The following NEK4 variants were observed in gnomAD, a reference collection of about 807,000 sequenced individuals.
NEK4 encodes NIMA related kinase 4.
A neutral mutation model predicts 98.4 loss-of-function variants in NEK4; 86 were observed. The ratio of observed to expected loss-of-function variants is 0.87; its 90% CI spans 0.73 to 1.05. NEK4 has a LOEUF of 1.05. Among genes scored for constraint, NEK4 ranks in the 50% least tolerant of loss-of-function variants. NEK4 has a pLI of 0.00. For synonymous variants in NEK4, 328 were observed against 342.2 expected, an observed-to-expected ratio of 0.96 and a Z score of 0.46; for missense variants, 898 against 950.3, an observed-to-expected ratio of 0.94 and a Z score of 0.72.
chr3:52,728,106 C>T (rs912327438), intron 15 of NEK4, among the ~76,000 whole-genome samples: 1 of 152,192 alleles, frequency 6.6e-6, no homozygotes, highest in Non-Finnish European at 1.5e-5. Context: ...GGCATGGTAG[C>T]TCACACCTGT....
chr3:52,749,630 T>C, intron 8 of NEK4, 62 bp downstream of exon 8: 1 of 185,674 alleles, frequency 5.4e-6, no homozygotes, highest in South Asian at 6.6e-5. Flanking sequence ...GGTCAGAAGT[T>C]CGTGACCAGC....
chr3:52,756,087 CTT>C (rs1559443976), intron 6 of NEK4, among the ~76,000 whole-genome samples: 2 of 152,144 alleles, frequency 1.3e-5, no homozygotes, highest in African/African-American at 4.8e-5. Context: ...GATTGAAAGA[CTT>C]AACATTGTTC....
intron 15 of NEK4, chr3:52,733,619 A>G (rs145067497): frequency 2.0e-6 from 1 of 502,920 alleles, no homozygotes; most frequent in Non-Finnish European, 4.0e-6. Context: ...ACAAACGTTG[A>G]AAGCATTTAG....
chr3:52,716,189 T>C (rs961006961), intron 15 of NEK4, among the ~76,000 whole-genome samples: 3 of 152,126 alleles, frequency 2.0e-5, no homozygotes, highest in Admixed American at 1.3e-4. Flanking sequence ...GGGATACAGG[T>C]TGGTAATATA....
chr3:52,768,281 C>A (rs572533666), intron 2 of NEK4, 57 bp downstream of exon 2: 5 of 1,527,906 alleles, frequency 3.3e-6, no homozygotes, highest in Non-Finnish European at 4.5e-6. Flanking sequence ...CTAAAATACA[C>A]CTGCCATCTT....
chr3:52,734,726 A>G (rs2097373623), intron 15 of NEK4: 2 of 176,018 alleles, frequency 1.1e-5, no homozygotes, highest in Admixed American at 1.2e-4. Flanking sequence ...AATCAAAACT[A>G]CCAGTACAAT....
intron 8 of NEK4, among the ~76,000 whole-genome samples, chr3:52,748,130 T>C (rs558679658): frequency 9.9e-5 from 15 of 151,080 alleles, no homozygotes; most frequent in African/African-American, 3.6e-4. Context: ...CAGCTAATTT[T>C]TTTTTTTTTT....
chr3:52,739,632 T>C lies in NEK4; in HGVS notation c.2096A>G (p.Lys699Arg), dbSNP rs1056187560. 1.9e-6 allele frequency: 3 copies of C among 1,608,302 alleles called. No homozygotes were observed. The highest frequency in any genetic ancestry group is 2.6e-6 in the Non-Finnish European group (3 of 1,176,436). ...DKSDGDYGEG[K>R]GQTNEINALV... ...GGCATTAATTTCATTTGTCTGACCT[T>C]TCCTGGGGGAAAAAAATATCCCTTT... Residue 699 changes from lysine to arginine, a missense_variant and splice_region_variant, in exon 14 of 16, where the codon AAA (lysine) becomes AGA (arginine). Coordinates refer to ENST00000233027, the MANE Select transcript of NEK4 (RefSeq NM_003157.6).
chr3:52,765,904 G>A lies in NEK4; in HGVS notation c.649C>T (p.Arg217Trp), dbSNP rs200701452. The change falls in exon 4 of 16, where the codon CGG (arginine) becomes TGG (tryptophan). Residue 217 changes from arginine to tryptophan, a missense_variant. Transcript: ENST00000233027. ...TTCTTTACCTTTCCTTCAATAATCC[G>A]ATAAACTAAAGAATTCATATCTTTT... ...NAKDMNSLVY[R>W]IIEGKLPPMP... 30 of 1,601,580 alleles carry A rather than the reference G, an allele frequency of 1.9e-5. No individual in the cohort carries two copies. Among genetic ancestry groups the A allele is most frequent in the East Asian group, 6.7e-5 (3 of 44,802 alleles).
rs1578692606 is a variant in NEK4 at position 52,758,774 on chromosome 3, C to G, written c.963+2021G>C. On this transcript the variant is annotated intron_variant, in intron 6 of 15. Coordinates refer to ENST00000233027, the MANE Select transcript of NEK4 (RefSeq NM_003157.6). ...CTGGAACACAGATCGAGAACTCCTA[C>G]AACTCAACAACAAAAAGACAAAAAC... Among the ~76,000 whole-genome samples the G allele has an allele frequency of 2.6e-5, 4 of 152,150 alleles. No individual in the cohort carries two copies. In the Middle Eastern group the frequency reaches 0.01, roughly 388 times the overall value.
At chr3:52,715,414 C>G (rs910292245) in intron 15 of NEK4, among the ~76,000 whole-genome samples, 3 of 152,110 alleles carry the variant, frequency 2.0e-5, no homozygotes, top group South Asian at 2.1e-4. Flanking sequence ...TGAGACGGAG[C>G]CTTGCTCTGT....
rs1578608146 is a variant in NEK4 at position 52,711,721 on chromosome 3, A to G, written c.*56T>C. On this transcript the variant is annotated 3_prime_UTR_variant, in exon 16 of 16. Transcript: ENST00000233027. ...AATGACTGTTTGCCCTTGCTTTTTA[A>G]GCCAAAATCCTCTAAAAATAGGTCT... 1 of 1,148,890 alleles carries G rather than the reference A, an allele frequency of 8.7e-7. No homozygotes were observed. The highest frequency in any genetic ancestry group is 1.3e-5 in the South Asian group (1 of 78,356). The allele number at this position is 1,148,890 out of a possible 1,614,324, so 71.2% of individuals were successfully genotyped here. A position where few individuals can be genotyped will look rare whatever the true frequency, so the allele number is the denominator to read the frequency against.
At chr3:52,752,917 A>ATAT (rs1553616670) in intron 6 of NEK4, among the ~76,000 whole-genome samples, 3 of 83,952 alleles carry the variant, frequency 3.6e-5, no homozygotes, top group African/African-American at 8.4e-5. Context: ...AAAAAAAAAA[A>ATAT]ATATATATAT....
rs751323281 is a variant in NEK4 at position 52,711,876 on chromosome 3, G to A, written c.2434-7C>T. The A allele has an allele frequency of 6.4e-7, 1 of 1,551,398 alleles. No homozygotes were observed. Among genetic ancestry groups the A allele is most frequent in the Non-Finnish European group, 8.9e-7 (1 of 1,127,740 alleles). ...TGTGCTCCCGCAAACGTACCTATTT[G>A]AGAAACAAAAAGAAAATCAATCAGT... On this transcript the variant is annotated splice_polypyrimidine_tract_variant and splice_region_variant and intron_variant, in intron 15 of 15. Coordinates refer to ENST00000233027, the MANE Select transcript of NEK4 (RefSeq NM_003157.6).
intron 15 of NEK4, among the ~76,000 whole-genome samples, chr3:52,734,452 CAA>C (rs76013023): frequency 6.0e-5 from 6 of 100,530 alleles, no homozygotes; most frequent in Non-Finnish European, 7.9e-5. Context: ...GACTCCAACT[CAA>C]AAAAAAAAAA....
At chr3:52,732,354 C>T (rs113341295) in intron 15 of NEK4, among the ~76,000 whole-genome samples, 5 of 152,242 alleles carry the variant, frequency 3.3e-5, no homozygotes, top group Admixed American at 6.5e-5. Context: ...CCACTGCGCC[C>T]GGCTAATTTT....
chr3:52,736,763 T>C (rs959542689), intron 15 of NEK4, among the ~76,000 whole-genome samples: 4 of 152,110 alleles, frequency 2.6e-5, no homozygotes, highest in Non-Finnish European at 5.9e-5. Flanking sequence ...GGATTATCAC[T>C]AGGTGATTAG....
At chr3:52,722,681 T>C (rs927022621) in intron 15 of NEK4, among the ~76,000 whole-genome samples, 8 of 152,034 alleles carry the variant, frequency 5.3e-5, no homozygotes, top group Non-Finnish European at 8.8e-5. Flanking sequence ...GGCAGGCAGA[T>C]TGCTTGAGGC....
chr3:52,739,315 C>T (rs2097381667), intron 14 of NEK4, 114 bp downstream of exon 14: 12 of 813,928 alleles, frequency 1.5e-5, no homozygotes, highest in Non-Finnish European at 2.4e-5. Flanking sequence ...AGGAGAATCG[C>T]TTGAACCCGG....
Sources: gnomAD v4.1 joint callset for allele counts (sites outside exome capture counted in the v4.1 genomes callset) on GRCh38, gnomAD v4.1.1 for gene constraint, MANE v1.5 for transcripts, NCBI Gene and HGNC (gene_info 2026-07-23, HGNC 2026-07-21) for gene names.